The following GSK3B variants were observed in gnomAD, a reference collection of about 807,000 sequenced individuals.
The protein encoded by GSK3B is glycogen synthase kinase-3 beta.
A neutral mutation model predicts 56.4 loss-of-function variants in GSK3B; 15 were observed. The observed-to-expected ratio is 0.27, with a 90% CI of 0.18 to 0.41. The LOEUF is 0.41. Among genes scored for constraint, GSK3B ranks in the 10% least tolerant of loss-of-function variants. The pLI, the probability that GSK3B is intolerant of heterozygous loss-of-function variation, is 1.00. For synonymous variants in GSK3B, 181 were observed against 188.9 expected (o/e 0.96, Z 0.34); for missense variants, 300 against 513.4 (o/e 0.58, Z 4.02).
At chr3:119,869,766 A>G (rs1411394895) in intron 8 of GSK3B, among the ~76,000 whole-genome samples, 3 of 152,342 alleles carry the variant, frequency 2.0e-5, no homozygotes, top group Admixed American at 6.5e-5. Flanking sequence ...TTGAGGACCT[A>G]TTGTGCATAA....
intron 2 of GSK3B, among the ~76,000 whole-genome samples, chr3:119,949,077 C>T (rs1011156175): frequency 1.3e-5 from 2 of 152,168 alleles, no homozygotes; most frequent in East Asian, 3.8e-4. Flanking sequence ...TCATTCCTCT[C>T]ATAACATACA....
intron 1 of GSK3B, among the ~76,000 whole-genome samples, chr3:120,023,302 C>T (rs1450257358): frequency 6.6e-6 from 1 of 150,984 alleles, no homozygotes; most frequent in Non-Finnish European, 1.5e-5. Context: ...CTTTCCTGAG[C>T]TGGGTCCCTC....
chr3:119,947,063 A>G (rs1221897317), intron 3 of GSK3B, among the ~76,000 whole-genome samples: 2 of 152,190 alleles, frequency 1.3e-5, no homozygotes, highest in Non-Finnish European at 2.9e-5. Flanking sequence ...AATTCTTAAA[A>G]GTGCATTCCC....
chr3:119,990,835 G>A (rs375634606), intron 2 of GSK3B, among the ~76,000 whole-genome samples: 1 of 152,208 alleles, frequency 6.6e-6, no homozygotes, highest in East Asian at 1.9e-4. Flanking sequence ...AGCTGAGGCA[G>A]GAGAATTGCT....
At chr3:120,080,753 C>G (rs2058412250) in intron 1 of GSK3B, among the ~76,000 whole-genome samples, 1 of 151,884 alleles carries the variant, frequency 6.6e-6, no homozygotes, top group Non-Finnish European at 1.5e-5. Flanking sequence ...ATTGCTTGAA[C>G]CTGGGAGGCA....
chr3:120,080,509 T>A (rs749050559), intron 1 of GSK3B, among the ~76,000 whole-genome samples: 21 of 152,060 alleles, frequency 1.4e-4, no homozygotes, highest in Non-Finnish European at 2.9e-4. Flanking sequence ...ACAAACATCA[T>A]CTTAAAGACC....
In GSK3B at chr3:119,846,907, CTGG is replaced by C. The variant is rs571805462; in HGVS notation, c.1097-3557_1097-3555del. Reference sequence around the variant, plus strand: ...AACCCAAATGCCCACCAATGATAGACTGGATAAAGAAAATGTGGCCCATATACA... The same window carrying C: ...AACCCAAATGCCCACCAATGATAGACATAAAGAAAATGTGGCCCATATACA... On this transcript the variant is annotated intron_variant, in intron 9 of 10. Transcript: ENST00000264235. Among the ~76,000 whole-genome samples, 286 of 152,232 alleles carry C rather than the reference CTGG, an allele frequency of 1.9e-3. 3 individuals carry two copies. The highest frequency in any genetic ancestry group is 6.1e-3 in the African/African-American group (254 of 41,526).
chr3:119,931,591 G>A (rs1009540881), intron 3 of GSK3B, among the ~76,000 whole-genome samples: 1 of 151,986 alleles, frequency 6.6e-6, no homozygotes, highest in Non-Finnish European at 1.5e-5. Flanking sequence ...CTCCAGCCTA[G>A]GTGACAGAGC....
At chr3:119,860,136 G>A (rs1329915295) in intron 9 of GSK3B, among the ~76,000 whole-genome samples, 1 of 152,162 alleles carries the variant, frequency 6.6e-6, no homozygotes, top group African/African-American at 2.4e-5. Flanking sequence ...GAGTTAGGGG[G>A]AGACTCACCT....
Position 119,823,258 on chromosome 3 carries a change from A to AT in GSK3B, c.*3529dup, listed in dbSNP as rs916799619. On this transcript the variant is annotated 3_prime_UTR_variant, in exon 11 of 11. Coordinates refer to ENST00000264235, the MANE Select transcript of GSK3B (RefSeq NM_001146156.2). ...TGGGCACACAGTAAGAATTAAACTGATTTTTTTTAAAAGAAATTAAAATGA... is the reference window on the plus strand; with the variant it reads ...TGGGCACACAGTAAGAATTAAACTGATTTTTTTTTAAAAGAAATTAAAATGA... 8.2e-5 allele frequency: 18 copies of AT among 220,606 alleles called. No individual in the cohort carries two copies. The highest frequency in any genetic ancestry group is 3.7e-4 in the South Asian group (2 of 5,400). The allele number at this position is 220,606 out of a possible 1,614,324, so 13.7% of individuals were successfully genotyped here. A position where few individuals can be genotyped will look rare whatever the true frequency, so the allele number is the denominator to read the frequency against.
intron 3 of GSK3B, among the ~76,000 whole-genome samples, chr3:119,940,021 G>A (rs2057032132): frequency 6.6e-6 from 1 of 151,802 alleles, no homozygotes; most frequent in Non-Finnish European, 1.5e-5. Context: ...AATGGTTAGA[G>A]GTAATGAAAG....
At chr3:119,850,775 G>A (rs2055919241) in intron 9 of GSK3B, among the ~76,000 whole-genome samples, 1 of 152,140 alleles carries the variant, frequency 6.6e-6, no homozygotes, top group South Asian at 2.1e-4. Context: ...ATGTATTCTT[G>A]AAGGCAGAGG....
At chr3:119,987,022 T>C (rs1381271917) in intron 2 of GSK3B, among the ~76,000 whole-genome samples, 2 of 152,172 alleles carry the variant, frequency 1.3e-5, no homozygotes, top group Non-Finnish European at 2.9e-5. Flanking sequence ...TCCTGTCCTT[T>C]GCAGGGACAC....
intron 8 of GSK3B, among the ~76,000 whole-genome samples, chr3:119,875,150 A>T (rs1343326124): frequency 6.6e-6 from 1 of 152,122 alleles, no homozygotes. Flanking sequence ...TACAACCTAT[A>T]ATTCTGGCAC....
chr3:120,020,461 G>A (rs746315270), intron 1 of GSK3B, among the ~76,000 whole-genome samples: 3 of 152,032 alleles, frequency 2.0e-5, no homozygotes, highest in Non-Finnish European at 2.9e-5. Context: ...ATGTCTCTGT[G>A]TCACATTTTG....
At chr3:120,068,704 A>G (rs1455758910) in intron 1 of GSK3B, among the ~76,000 whole-genome samples, 1 of 151,742 alleles carries the variant, frequency 6.6e-6, no homozygotes, top group African/African-American at 2.4e-5. Context: ...TGTCTCAAAA[A>G]ATAAATAAAT....
intron 1 of GSK3B, 45 bp downstream of exon 1, chr3:120,093,302 T>A: frequency 7.9e-7 from 1 of 1,260,126 alleles, no homozygotes; most frequent in South Asian, 1.2e-5. Context: ...TTTCTTATTT[T>A]AAGGGCGAGG....
rs557255068 is a variant in GSK3B at position 119,987,763 on chromosome 3, T to C, written c.282+14283A>G. ...GAGTTTAACATTAATAGCACACTAA[T>C]AGAAAGGTGAAATTTAGCTTATCTG... On this transcript the variant is annotated intron_variant, in intron 2 of 10. Transcript: ENST00000264235. 1.4e-4 allele frequency among the ~76,000 whole-genome samples: 21 copies of C among 152,310 alleles called. No homozygotes were observed. In the South Asian group the frequency reaches 4.1e-3, roughly 30 times the overall value.
At chr3:119,997,673 G>GA (rs2057633051) in intron 2 of GSK3B, among the ~76,000 whole-genome samples, 1 of 151,852 alleles carries the variant, frequency 6.6e-6, no homozygotes. Context: ...TTTTTTAAGA[G>GA]AAAAAACAAG....
Sources: allele counts gnomAD v4.1 joint callset (sites outside exome capture counted in the v4.1 genomes callset), GRCh38; gene constraint gnomAD v4.1.1; transcripts MANE v1.5; gene names NCBI Gene and HGNC (gene_info 2026-07-23, HGNC 2026-07-21).